ADGRD1: variants seen among roughly 807,000 people sequenced by gnomAD.
ADGRD1 encodes the protein G-protein coupled receptor 133.
In ADGRD1, 77 loss-of-function variants were observed where a neutral mutation model predicts 113.4. That is an observed-to-expected ratio of 0.68 (90% CI 0.57 to 0.82). The LOEUF is 0.82. Ranked by LOEUF, ADGRD1 falls within the 40% of genes least tolerant of loss-of-function variation. The pLI is 0.00. For synonymous variants in ADGRD1, 474 were observed against 475.0 expected (o/e 1.00, Z 0.03); for missense variants, 1,036 against 1,139.1 (o/e 0.91, Z 1.30).
chr12:131,069,417 C>T (rs1193454112), intron 13 of ADGRD1: 2 of 152,158 alleles, frequency 1.3e-5, no homozygotes, highest in African/African-American at 2.4e-5. Context: ...CATGTGGCTT[C>T]GTGGCTTCAT....
intron 8 of ADGRD1, among the ~76,000 whole-genome samples, chr12:130,996,374 C>T (rs1053487504): frequency 2.0e-4 from 26 of 128,496 alleles, no homozygotes; most frequent in African/African-American, 7.2e-4. Flanking sequence ...CGCCCCTCAC[C>T]TCCTGGACGG....
chr12:131,123,757 T>G (rs1184512102), intron 20 of ADGRD1, among the ~76,000 whole-genome samples: 9 of 150,174 alleles, frequency 6.0e-5, no homozygotes, highest in East Asian at 2.0e-4. Context: ...GGGAGGCGGG[T>G]CTTGCAGTGA....
chr12:131,098,782 A>T (rs1950002430), intron 15 of ADGRD1, among the ~76,000 whole-genome samples: 1 of 152,188 alleles, frequency 6.6e-6, no homozygotes, highest in Non-Finnish European at 1.5e-5. Context: ...ACGTTTACAC[A>T]TCCACGTCTT....
chr12:131,084,573 T>C lies in ADGRD1; in HGVS notation c.1581T>C (p.Cys527=), dbSNP rs774230025. ...AAGGGGTCTGGTCGAACCACGGCTG[T>C]GCGCTCACGAGAGGAAACCTCACCT... is the stretch of plus-strand genomic sequence containing the variant. The part of the protein sequence containing the change: ...SGEGVWSNHG[C]ALTRGNLTYS... The change falls in exon 15 of 25, where the codon TGT becomes TGC. Residue 527 remains cysteine, a synonymous_variant. Coordinates refer to ENST00000261654, the MANE Select transcript of ADGRD1 (RefSeq NM_198827.5). This position sits in a 1 kb window ranked among gnomAD's most constrained non-coding sequence, Gnocchi z 4.5. 11 of 1,614,126 alleles carry C rather than the reference T, an allele frequency of 6.8e-6. No individual in the cohort carries two copies. The highest frequency in any genetic ancestry group is 9.3e-6 in the Non-Finnish European group (11 of 1,180,006).
chr12:131,080,782 G>A (rs1398467705), intron 14 of ADGRD1, among the ~76,000 whole-genome samples: 1 of 151,992 alleles, frequency 6.6e-6, no homozygotes, highest in African/African-American at 2.4e-5. Flanking sequence ...CACCACGCCC[G>A]GCTAATTTTT....
At position 131,084,300 on chromosome 12, in the gene ADGRD1, G is replaced by C. The variant is rs1886289161; in HGVS notation, c.1548-240G>C. Among the ~76,000 whole-genome samples the C allele has an allele frequency of 6.6e-6, 1 of 152,134 alleles. No individual in the cohort carries two copies. ...AGCTCCCCCTTCCCTGTCCCAGAGGGAGGGCCTTGCTTCCTGTGGCCTGAC... is the reference window on the plus strand; with the variant it reads ...AGCTCCCCCTTCCCTGTCCCAGAGGCAGGGCCTTGCTTCCTGTGGCCTGAC... On this transcript the variant is annotated intron_variant, in intron 14 of 24. Transcript: ENST00000261654. The surrounding 1 kb of genome is among the most constrained non-coding windows in gnomAD (Gnocchi z 4.5).
At chr12:131,114,598 G>C (rs1297065208) in intron 18 of ADGRD1, among the ~76,000 whole-genome samples, 1 of 152,190 alleles carries the variant, frequency 6.6e-6, no homozygotes, top group East Asian at 1.9e-4. Flanking sequence ...TCGACCTTCA[G>C]TTTTTAATTA....
chr12:131,085,893 C>T (rs1291540380), intron 15 of ADGRD1, among the ~76,000 whole-genome samples: 1 of 152,164 alleles, frequency 6.6e-6, no homozygotes, highest in Non-Finnish European at 1.5e-5. Context: ...CCGTGCGGAG[C>T]CCTGGTCTTT....
chr12:131,029,215 CT>C (rs2136915114), intron 13 of ADGRD1, among the ~76,000 whole-genome samples: 1 of 152,340 alleles, frequency 6.6e-6, no homozygotes, highest in African/African-American at 2.4e-5. Flanking sequence ...TTGCCTGCTG[CT>C]GTAATCTACC....
Position 130,987,245 on chromosome 12 carries a change from AG to A in ADGRD1, c.643del (p.Asp215ThrfsTer21), listed in dbSNP as rs1566003447. The part of the protein sequence containing the change: ...SNVNLVIGSE[Q>X]DQAKCYENGA... ...GTCAACCTCGTGATAGGGTCTGAGC[AG>A]GACCAGGCCAAGTGTTATGAGAACG... On this transcript the variant is annotated frameshift_variant, in exon 6 of 25. Coordinates refer to ENST00000261654, the MANE Select transcript of ADGRD1 (RefSeq NM_198827.5). LOFTEE classifies it high-confidence loss of function. The A allele has an allele frequency of 6.2e-7, 1 of 1,614,254 alleles. No individual in the cohort carries two copies. The highest frequency in any genetic ancestry group is 1.3e-5 in the African/African-American group (1 of 75,070).
chr12:131,095,129 T>G (rs933114266), intron 15 of ADGRD1, among the ~76,000 whole-genome samples: 24 of 152,328 alleles, frequency 1.6e-4, no homozygotes, highest in Non-Finnish European at 1.5e-4. Flanking sequence ...TCCCCCCGAC[T>G]CTCAGGCTGC....
chr12:131,037,111 G>A (rs1174443489), intron 13 of ADGRD1, among the ~76,000 whole-genome samples: 4 of 48,382 alleles, frequency 8.3e-5, no homozygotes, highest in Admixed American at 4.3e-4. Context: ...CCTCACTCAC[G>A]GCACCGGGCC....
intron 4 of ADGRD1, among the ~76,000 whole-genome samples, chr12:130,972,013 G>A (rs1871721428): frequency 6.6e-6 from 1 of 152,166 alleles, no homozygotes; most frequent in Non-Finnish European, 1.5e-5. Context: ...CCTGGTTTTG[G>A]TTCTTTTACA....
At chr12:131,117,602 TGCCC>T (rs1950498875) in intron 18 of ADGRD1, among the ~76,000 whole-genome samples, 2 of 152,158 alleles carry the variant, frequency 1.3e-5, no homozygotes, top group Non-Finnish European at 2.9e-5. Context: ...CAGGGTCACA[TGCCC>T]ATCTTTGAAC....
chr12:131,134,368 G>C (rs545579923), intron 21 of ADGRD1, among the ~76,000 whole-genome samples: 40 of 152,234 alleles, frequency 2.6e-4, no homozygotes, highest in Non-Finnish European at 5.0e-4. Flanking sequence ...TGGCCGTGTT[G>C]AGAGTCCGCA....
At chr12:131,080,315 G>GT (rs1246819989) in intron 14 of ADGRD1, among the ~76,000 whole-genome samples, 1 of 152,018 alleles carries the variant, frequency 6.6e-6, no homozygotes, top group Non-Finnish European at 1.5e-5. Context: ...TTTGTAAATA[G>GT]TTTTTTTATG....
rs1025091916 is a variant in ADGRD1, at chr12:131,003,558, C to T, written c.1144+256C>T. Among the ~76,000 whole-genome samples, 49 of 152,220 alleles carry T rather than the reference C, an allele frequency of 3.2e-4. No homozygotes were observed. The highest frequency in any genetic ancestry group is 2.8e-3 in the Admixed American group (43 of 15,286). On this transcript the variant is annotated intron_variant, in intron 10 of 24. Transcript: ENST00000261654. This position sits in a 1 kb window ranked among gnomAD's most constrained non-coding sequence, Gnocchi z 4.8. ...AGCTCCTGCCCTGGGATGATGGTCT[C>T]GGTTCAGAGCAGGAGGCAGAAGCAG...
chr12:130,964,607 C>T (rs569577916), intron 2 of ADGRD1, among the ~76,000 whole-genome samples: 5 of 152,294 alleles, frequency 3.3e-5, no homozygotes, highest in South Asian at 2.1e-4. Context: ...ATTGCTTGAA[C>T]CCAGGAGGCG....
intron 8 of ADGRD1, among the ~76,000 whole-genome samples, chr12:130,994,865 G>A (rs1023425900): frequency 5.4e-4 from 82 of 152,306 alleles, no homozygotes; most frequent in Admixed American, 5.3e-3. Flanking sequence ...GTGGCCAGGG[G>A]CATGTCCAGT....
Sources: allele counts gnomAD v4.1 joint callset (sites outside exome capture counted in the v4.1 genomes callset), GRCh38; gene constraint gnomAD v4.1.1; non-coding constraint Gnocchi (gnomAD v3.1); transcripts MANE v1.5; gene names NCBI Gene and HGNC (gene_info 2026-07-23, HGNC 2026-07-21).